CALN1: variants seen among roughly 807,000 people sequenced by gnomAD.
CALN1 encodes the protein calneuron 1.
A neutral mutation model predicts 30.6 loss-of-function variants in CALN1; 17 were observed. The observed-to-expected ratio is 0.56, with a 90% CI of 0.38 to 0.83. The LOEUF (loss-of-function observed/expected upper bound fraction) is 0.83, where lower values mean the gene tolerates loss of function less well. Among genes scored for constraint, CALN1 ranks in the 40% least tolerant of loss-of-function variants. CALN1 has a pLI of 0.00. For missense variants in CALN1, 291 were observed against 354.9 expected (o/e 0.82, Z 1.45); for synonymous variants, 156 against 131.4 (o/e 1.19, Z -1.28).
At chr7:71,934,178 C>T (rs931296684) in intron 5 of CALN1, among the ~76,000 whole-genome samples, 3 of 152,058 alleles carry the variant, frequency 2.0e-5, no homozygotes, top group African/African-American at 7.2e-5. Flanking sequence ...ATAGTTCTCC[C>T]GACACCTCAA....
intron 3 of CALN1, among the ~76,000 whole-genome samples, chr7:72,180,676 T>C (rs1201368678): frequency 6.9e-6 from 1 of 145,832 alleles, no homozygotes; most frequent in African/African-American, 2.5e-5. Flanking sequence ...GGCACCATCA[T>C]AGCTCACTGC....
At chr7:72,008,054 T>C (rs932260210) in intron 5 of CALN1, among the ~76,000 whole-genome samples, 4 of 152,248 alleles carry the variant, frequency 2.6e-5, no homozygotes, top group Non-Finnish European at 5.9e-5. Flanking sequence ...ATGATTTTAA[T>C]GTAATTTTTA....
chr7:71,847,757 AAAGAAGAAG>A (rs1229093604), intron 5 of CALN1, among the ~76,000 whole-genome samples: 4 of 125,210 alleles, frequency 3.2e-5, no homozygotes, highest in East Asian at 4.8e-4. Context: ...AAGAAAGAAG[AAAGAAGAAG>A]AAGAAGAAAG....
At chr7:72,435,357 A>C (rs1018270364) in intron 1 of CALN1, among the ~76,000 whole-genome samples, 3 of 152,200 alleles carry the variant, frequency 2.0e-5, no homozygotes. Flanking sequence ...AATGTGGTGG[A>C]AGCTCATCTA....
intron 3 of CALN1, among the ~76,000 whole-genome samples, chr7:72,177,132 A>G (rs892138858): frequency 3.9e-5 from 6 of 152,172 alleles, no homozygotes; most frequent in African/African-American, 1.4e-4. Context: ...CAGTTGAGCT[A>G]CAAGAGCTCA....
chr7:71,875,806 T>C (rs1792210633), intron 5 of CALN1, among the ~76,000 whole-genome samples: 1 of 152,214 alleles, frequency 6.6e-6, no homozygotes, highest in Non-Finnish European at 1.5e-5. Flanking sequence ...GTCTGTGTTA[T>C]TGGGAGACTC....
chr7:72,487,917 AGAAGGAAGGAAG>A, the CALN1 span, among the ~76,000 whole-genome samples: 3 of 62,240 alleles, frequency 4.8e-5, no homozygotes, highest in Non-Finnish European at 9.2e-5. Context: ...AAAGAAAGAA[AGAAGGAAGGAAG>A]GAAGGAAGGA....
At position 72,348,592 on chromosome 7, in the gene CALN1, G is replaced by C. The variant is rs1328669772; in HGVS notation, c.119+54659C>G. Among the ~76,000 whole-genome samples, 4 of 152,338 alleles carry C rather than the reference G, an allele frequency of 2.6e-5. 1 individual carries two copies. The Middle Eastern group carries it at 0.01, about 389-fold the overall frequency. On this transcript the variant is annotated intron_variant, in intron 2 of 6. Coordinates refer to ENST00000395275, the MANE Select transcript of CALN1 (RefSeq NM_031468.4). Reference sequence around the variant, plus strand: ...ACAGTTAGTGGAGAGTTGTTAAGTCGAACAATTTCTAGACGTAAGAAAGAA... The same window carrying C: ...ACAGTTAGTGGAGAGTTGTTAAGTCCAACAATTTCTAGACGTAAGAAAGAA...
intron 3 of CALN1, among the ~76,000 whole-genome samples, chr7:72,272,920 G>A (rs1023954293): frequency 6.6e-6 from 1 of 152,054 alleles, no homozygotes; most frequent in Non-Finnish European, 1.5e-5. Flanking sequence ...AAGCCAAAAT[G>A]TTCCTAGGAT....
At chr7:72,298,803 T>TA (rs56933201) in intron 2 of CALN1, among the ~76,000 whole-genome samples, 50 of 140,486 alleles carry the variant, frequency 3.6e-4, no homozygotes, top group East Asian at 2.3e-3. Context: ...CTGATGGTTT[T>TA]AAAAAAAAAA....
At chr7:72,386,629 A>T (rs1805225290) in intron 2 of CALN1, among the ~76,000 whole-genome samples, 1 of 152,080 alleles carries the variant, frequency 6.6e-6, no homozygotes, top group African/African-American at 2.4e-5. Flanking sequence ...ATCAGTGTAA[A>T]CCTATGTGTT....
chr7:71,975,422 A>G (rs1234014086), intron 5 of CALN1, among the ~76,000 whole-genome samples: 1 of 151,646 alleles, frequency 6.6e-6, no homozygotes, highest in Non-Finnish European at 1.5e-5. Context: ...GTGCTCTTTC[A>G]TTTTTATTTT....
At chr7:72,222,702 C>T (rs188271612) in intron 3 of CALN1, among the ~76,000 whole-genome samples, 1 of 152,202 alleles carries the variant, frequency 6.6e-6, no homozygotes, top group East Asian at 1.9e-4. Flanking sequence ...CAGAGACCCC[C>T]GTGGCCAGAA....
intron 5 of CALN1, among the ~76,000 whole-genome samples, chr7:71,983,629 C>T (rs1798514795): frequency 6.6e-6 from 1 of 151,918 alleles, no homozygotes; most frequent in Non-Finnish European, 1.5e-5. Context: ...CCTCCTGGTT[C>T]CAAGCAATTC....
chr7:72,376,239 A>C (rs1804546166), intron 2 of CALN1, among the ~76,000 whole-genome samples: 1 of 152,170 alleles, frequency 6.6e-6, no homozygotes, highest in East Asian at 1.9e-4. Context: ...TGTGTTTTCA[A>C]TTCTTTTGTG....
At chr7:72,411,462 CTA>C (rs1807141732) in intron 1 of CALN1, among the ~76,000 whole-genome samples, 1 of 152,082 alleles carries the variant, frequency 6.6e-6, no homozygotes, top group African/African-American at 2.4e-5. Context: ...ACTCTGAAAT[CTA>C]GTTTGAATAA....
At chr7:72,165,860 C>A (rs777090459) in intron 3 of CALN1, among the ~76,000 whole-genome samples, 3 of 151,992 alleles carry the variant, frequency 2.0e-5, no homozygotes, top group Non-Finnish European at 4.4e-5. Context: ...CATTGCACTG[C>A]ATTTTATCAA....
At chr7:72,263,657 C>T (rs1796422326) in intron 3 of CALN1, among the ~76,000 whole-genome samples, 1 of 152,166 alleles carries the variant, frequency 6.6e-6, no homozygotes, top group South Asian at 2.1e-4. Flanking sequence ...CTCAAGCAAT[C>T]CTCCCTCCTC....
intron 3 of CALN1, among the ~76,000 whole-genome samples, chr7:72,273,298 C>T (rs1004817815): frequency 4.0e-5 from 6 of 151,098 alleles, no homozygotes; most frequent in Non-Finnish European, 7.4e-5. Context: ...GGTGCATGCC[C>T]ATAATCCCAG....
Sources: allele counts gnomAD v4.1 joint callset (sites outside exome capture counted in the v4.1 genomes callset), GRCh38; gene constraint gnomAD v4.1.1; transcripts MANE v1.5; gene names NCBI Gene and HGNC (gene_info 2026-07-23, HGNC 2026-07-21).